ERVK3-1: variants seen among roughly 807,000 people sequenced by gnomAD.
ERVK3-1 encodes the protein endogenous retrovirus group K3 member 1.
rs1217136137 is a variant in ERVK3-1 at position 58,313,163 on chromosome 19, C to T, written c.294+701C>T. The T allele has an allele frequency of 6.6e-6, 1 of 152,250 alleles. No homozygotes were observed. Among genetic ancestry groups the T allele is most frequent in the Non-Finnish European group, 1.5e-5 (1 of 68,066 alleles). The allele number at this position is 152,250 out of a possible 1,614,324, so 9.4% of individuals were successfully genotyped here. A position where few individuals can be genotyped will look rare whatever the true frequency, so the allele number is the denominator to read the frequency against. ...GAATCGATATGGAAGGCAACACTCC[C>T]ATTTATGAATAACAGCATCTGGGTC... On this transcript the variant is annotated intron_variant, in intron 3 of 3. Transcript: ENST00000413518. The surrounding 1 kb of genome is among the most constrained non-coding windows in gnomAD (Gnocchi z 4.5).
Position 58,310,344 on chromosome 19 carries a change from TA to T in ERVK3-1, c.-3-1818del. The T allele has an allele frequency of 6.4e-6, 1 of 157,200 alleles. No homozygotes were observed. Among genetic ancestry groups the T allele is most frequent in the Non-Finnish European group, 1.4e-5 (1 of 71,084 alleles). The allele number at this position is 157,200 out of a possible 1,614,324, so 9.7% of individuals were successfully genotyped here. On this transcript the variant is annotated intron_variant, in intron 2 of 3. Transcript: ENST00000413518. This position sits in a 1 kb window ranked among gnomAD's most constrained non-coding sequence, Gnocchi z 4.7. ...GAAATAAAGACACAAGACAAAGAGA[TA>T]AAAGGCAGCTGGGCCTGGGGGACCA...
chr19:58,309,036 C>T (rs930821617), intron 2 of ERVK3-1: 2 of 152,142 alleles, frequency 1.3e-5, no homozygotes, highest in African/African-American at 4.8e-5. Flanking sequence ...TTTCACTATA[C>T]CATTACACAA....
chr19:58,306,328 TAAAC>T (rs2051523437), intron 2 of ERVK3-1, 112 bp downstream of exon 2: 1 of 152,350 alleles, frequency 6.6e-6, no homozygotes, highest in African/African-American at 2.4e-5. Context: ...AAGTTTTACT[TAAAC>T]AATCTGGTGC....
chr19:58,314,260 T>C (rs544094624), intron 3 of ERVK3-1, among the ~76,000 whole-genome samples: 1 of 152,284 alleles, frequency 6.6e-6, no homozygotes, highest in South Asian at 2.1e-4. Context: ...GTAAAATTCT[T>C]AACTTGAATA....
At chr19:58,311,335 C>G (rs2051555481) in intron 2 of ERVK3-1, 1 of 152,200 alleles carries the variant, frequency 6.6e-6, no homozygotes, top group African/African-American at 2.4e-5. Context: ...TTTCATATTT[C>G]TCATATCCGA....
At chr19:58,306,628 G>C (rs973579150) in intron 2 of ERVK3-1, 3 of 152,152 alleles carry the variant, frequency 2.0e-5, no homozygotes, top group Admixed American at 1.3e-4. Flanking sequence ...AGCGCCCATT[G>C]AAAATGATAA....
Position 58,312,348 on chromosome 19 carries a change from A to G in ERVK3-1, c.180A>G (p.Thr60=), listed in dbSNP as rs2051561657. The change falls in exon 3 of 4, where the codon ACA becomes ACG. Residue 60 remains threonine (T), a synonymous_variant. Coordinates refer to ENST00000413518, the Ensembl canonical transcript of ERVK3-1. This position sits in a 1 kb window ranked among gnomAD's most constrained non-coding sequence, Gnocchi z 4.7. ...TCACAATGACATCCAACCCCATAACATGGGGACAGATCAAGAAAACGACAC... is the reference window on the plus strand; with the variant it reads ...TCACAATGACATCCAACCCCATAACGTGGGGACAGATCAAGAAAACGACAC... 2 of 400,156 alleles carry G rather than the reference A, an allele frequency of 5.0e-6. No homozygotes were observed. The highest frequency in any genetic ancestry group is 2.5e-4 in the South Asian group (2 of 7,860). 24.8% of individuals were successfully genotyped at this position (400,156 alleles called of 1,614,324 possible).
rs2051536965 is a variant in ERVK3-1 at position 58,308,278 on chromosome 19, A to G, written c.-4+2062A>G. Reference sequence around the variant, plus strand: ...ACCTGTGCAGTGCAAATTAAAGGAAAGAAGTGTTGTGGGTGTATGGACACA... The same window carrying G: ...ACCTGTGCAGTGCAAATTAAAGGAAGGAAGTGTTGTGGGTGTATGGACACA... On this transcript the variant is annotated intron_variant, in intron 2 of 3. Coordinates refer to ENST00000413518, the Ensembl canonical transcript of ERVK3-1. 2.6e-5 allele frequency among the ~76,000 whole-genome samples: 4 copies of G among 152,244 alleles called. No homozygotes were observed. The South Asian group carries it at 6.2e-4, about 24-fold the overall frequency.
rs1310605170 is a variant in ERVK3-1 at position 58,312,411 on chromosome 19, A to G, written c.243A>G (p.Ala81=). 1 of 400,250 alleles carries G rather than the reference A, an allele frequency of 2.5e-6. No individual in the cohort carries two copies. The highest frequency in any genetic ancestry group is 3.6e-5 in the East Asian group (1 of 28,080). 24.8% of individuals were successfully genotyped at this position (400,250 alleles called of 1,614,324 possible). A position where few individuals can be genotyped will look rare whatever the true frequency, so the allele number is the denominator to read the frequency against. ...AACTACTGGAGCGCCAGGGTCAGGC[A>G]AAAACCCCTGACTCCATGTTCTTGG... Residue 81 remains alanine, a synonymous_variant, in exon 3 of 4, where the codon GCA becomes GCG. Transcript: ENST00000413518. This position sits in a 1 kb window ranked among gnomAD's most constrained non-coding sequence, Gnocchi z 4.7.
rs2051568900 is a variant in ERVK3-1 at position 58,313,299 on chromosome 19, CTGTT to C, written c.294+840_294+843del. ...GTGGGTTTTTTGTTGTTGTTGTTAA[CTGTT>C]TGAGATGGAGTCTCACTCTGTCGCC... On this transcript the variant is annotated intron_variant, in intron 3 of 3. Coordinates refer to ENST00000413518, the Ensembl canonical transcript of ERVK3-1. The surrounding 1 kb of genome is among the most constrained non-coding windows in gnomAD (Gnocchi z 4.5). 6.6e-6 allele frequency among the ~76,000 whole-genome samples: 1 copy of C among 152,094 alleles called. No individual in the cohort carries two copies. Among genetic ancestry groups the C allele is most frequent in the Admixed American group, 6.6e-5 (1 of 15,262 alleles).
intron 2 of ERVK3-1, chr19:58,311,958 C>A: frequency 2.7e-6 from 1 of 376,472 alleles, no homozygotes; most frequent in East Asian, 3.8e-5. Flanking sequence ...ATTACCACTT[C>A]AAACAAAATT....
intron 2 of ERVK3-1, among the ~76,000 whole-genome samples, chr19:58,307,664 G>C (rs1816081927): frequency 8.6e-6 from 1 of 116,180 alleles, no homozygotes; most frequent in Non-Finnish European, 1.7e-5. Flanking sequence ...AAAAACACCA[G>C]GACTTTGCCC....
At chr19:58,315,030 C>A in exon 4 of ERVK3-1, 1 of 367,210 alleles carries the variant, frequency 2.7e-6, no homozygotes, top group East Asian at 3.9e-5. Context: ...ACAGGAACAT[C>A]CAGAACCTGT....
At chr19:58,314,753 A>T (rs2051580103) in exon 4 of ERVK3-1, 3 of 399,946 alleles carry the variant, frequency 7.5e-6, no homozygotes, top group Non-Finnish European at 1.3e-5. Context: ...CATAGTCTAT[A>T]GGATCGGGTG....
chr19:58,310,199 G>C lies in ERVK3-1; in HGVS notation c.-3-1967G>C, dbSNP rs1298346023. On this transcript the variant is annotated intron_variant, in intron 2 of 3. Transcript: ENST00000413518. This position sits in a 1 kb window ranked among gnomAD's most constrained non-coding sequence, Gnocchi z 4.7. ...GCTTTATTTCCTATTAATATTGTCTGTAATTCAGCCTATGTCGTAAATGTA... is the reference window on the plus strand; with the variant it reads ...GCTTTATTTCCTATTAATATTGTCTCTAATTCAGCCTATGTCGTAAATGTA... 1 of 152,198 alleles carries C rather than the reference G, an allele frequency of 6.6e-6. No homozygotes were observed. The allele number at this position is 152,198 out of a possible 1,614,324, so 9.4% of individuals were successfully genotyped here.
rs142398920 is a variant in ERVK3-1, at chr19:58,310,385, C to T, written c.-3-1781C>T. ...CTGGGGGACCACTACCACCAATGCG[C>T]GGAGACCGGTAGTGGCCCCGAATGT... On this transcript the variant is annotated intron_variant, in intron 2 of 3. Transcript: ENST00000413518. The surrounding 1 kb of genome is among the most constrained non-coding windows in gnomAD (Gnocchi z 4.7). 481 of 165,108 alleles carry T rather than the reference C, an allele frequency of 2.9e-3. 3 individuals carry two copies. Among genetic ancestry groups the T allele is most frequent in the Middle Eastern group, 5.9e-3 (2 of 340 alleles). 10.2% of individuals were successfully genotyped at this position (165,108 alleles called of 1,614,324 possible).
In ERVK3-1 at chr19:58,312,022, C is replaced by T; in HGVS notation, c.-3-144C>T. ...TTGACTCCTGGTACGGATGGCAAGA[C>T]CCCAGCAGAACGACACTGGCAACTG... On this transcript the variant is annotated intron_variant, in intron 2 of 3. Coordinates refer to ENST00000413518, the Ensembl canonical transcript of ERVK3-1. This position sits in a 1 kb window ranked among gnomAD's most constrained non-coding sequence, Gnocchi z 4.7. 2.5e-6 allele frequency: 1 copy of T among 396,976 alleles called. No homozygotes were observed. The allele number at this position is 396,976 out of a possible 1,614,324, so 24.6% of individuals were successfully genotyped here.
downstream of ERVK3-1, chr19:58,315,793 C>G (rs960540246): frequency 6.6e-6 from 1 of 152,270 alleles, no homozygotes; most frequent in South Asian, 2.1e-4. Context: ...ACCACACCCA[C>G]TCCTTGCTGC....
Position 58,310,850 on chromosome 19 carries a change from C to T in ERVK3-1, c.-3-1316C>T. The T allele has an allele frequency of 2.5e-6, 1 of 400,470 alleles. No homozygotes were observed. The highest frequency in any genetic ancestry group is 1.8e-5 in the South Asian group (1 of 56,758). The allele number at this position is 400,470 out of a possible 1,614,324, so 24.8% of individuals were successfully genotyped here. A position where few individuals can be genotyped will look rare whatever the true frequency, so the allele number is the denominator to read the frequency against. ...AGACCGCCCCCCACCCTTTCCCGGT[C>T]TGCTAAGTAGCGGGTGTTGTTCCTT... On this transcript the variant is annotated intron_variant, in intron 2 of 3. Coordinates refer to ENST00000413518, the Ensembl canonical transcript of ERVK3-1. This position sits in a 1 kb window ranked among gnomAD's most constrained non-coding sequence, Gnocchi z 4.7.
Sources: gnomAD v4.1 joint callset for allele counts (sites outside exome capture counted in the v4.1 genomes callset) on GRCh38, gnomAD v4.1.1 for gene constraint, Gnocchi (gnomAD v3.1) non-coding constraint, MANE v1.5 for transcripts, NCBI Gene and HGNC (gene_info 2026-07-23, HGNC 2026-07-21) for gene names.